ADAMTSL3: variants seen among roughly 807,000 people sequenced by gnomAD.
The protein encoded by ADAMTSL3 is ADAMTS like 3.
A neutral mutation model predicts 201.7 loss-of-function variants in ADAMTSL3; 128 were observed. That is an observed-to-expected ratio of 0.63 (90% CI 0.55 to 0.73). The LOEUF (loss-of-function observed/expected upper bound fraction) is 0.73, where lower values mean the gene tolerates loss of function less well. ADAMTSL3 is among the 30% of genes least tolerant of loss of function. The pLI is 0.00. For missense variants in ADAMTSL3, 1,990 were observed against 2,119.6 expected (o/e 0.94, Z 1.20); for synonymous variants, 738 against 748.4 (o/e 0.99, Z 0.23).
At chr15:83,753,228 C>A (rs952494690) in intron 3 of ADAMTSL3, among the ~76,000 whole-genome samples, 5 of 152,188 alleles carry the variant, frequency 3.3e-5, no homozygotes, top group African/African-American at 9.7e-5. Context: ...TAACCAGGGA[C>A]ACTCACCTAC....
At chr15:83,734,029 A>G (rs1390228113) in intron 3 of ADAMTSL3, among the ~76,000 whole-genome samples, 1 of 152,140 alleles carries the variant, frequency 6.6e-6, no homozygotes, top group Non-Finnish European at 1.5e-5. Context: ...TGAGTCTCTC[A>G]GCGTAAAAGG....
intron 23 of ADAMTSL3, among the ~76,000 whole-genome samples, chr15:83,998,251 C>G (rs1184940585): frequency 6.6e-6 from 1 of 152,120 alleles, no homozygotes; most frequent in Non-Finnish European, 1.5e-5. Flanking sequence ...CAGGGGTTGA[C>G]CAGCCTGGCC....
At chr15:83,976,636 C>T (rs2067293297) in intron 20 of ADAMTSL3, among the ~76,000 whole-genome samples, 1 of 151,712 alleles carries the variant, frequency 6.6e-6, no homozygotes, top group Admixed American at 6.6e-5. Flanking sequence ...TCATAAGGAG[C>T]CCGCAACCTA....
intron 2 of ADAMTSL3, among the ~76,000 whole-genome samples, chr15:83,678,133 C>T (rs1288656615): frequency 6.6e-6 from 1 of 152,072 alleles, no homozygotes; most frequent in Non-Finnish European, 1.5e-5. Flanking sequence ...TTGAGCACCA[C>T]ATCAGATGAC....
chr15:83,699,892 A>C (rs1258868082), intron 2 of ADAMTSL3, among the ~76,000 whole-genome samples: 1 of 152,336 alleles, frequency 6.6e-6, no homozygotes, highest in East Asian at 1.9e-4. Context: ...AAAATTGAAC[A>C]GTCCTCTCCC....
intron 9 of ADAMTSL3, among the ~76,000 whole-genome samples, chr15:83,878,613 CAAA>C (rs34434953): frequency 6.8e-6 from 1 of 147,212 alleles, no homozygotes; most frequent in South Asian, 2.1e-4. Flanking sequence ...GACGCCATTT[CAAA>C]AAAAAAAAAT....
intron 3 of ADAMTSL3, among the ~76,000 whole-genome samples, chr15:83,722,245 A>G (rs2062111717): frequency 6.6e-6 from 1 of 152,226 alleles, no homozygotes; most frequent in Non-Finnish European, 1.5e-5. Context: ...GGGAAATAAA[A>G]TCAACGAGGA....
chr15:83,878,715 C>T (rs533749849), intron 9 of ADAMTSL3, among the ~76,000 whole-genome samples: 3 of 152,050 alleles, frequency 2.0e-5, no homozygotes, highest in South Asian at 4.2e-4. Context: ...AATTATTTCA[C>T]TTAAGGTTTT....
chr15:83,891,930 C>T (rs964277253), intron 12 of ADAMTSL3, among the ~76,000 whole-genome samples: 4 of 152,172 alleles, frequency 2.6e-5, no homozygotes, highest in Non-Finnish European at 4.4e-5. Context: ...AGAATAAAGT[C>T]TTGGCCGGGC....
At chr15:83,685,607 A>G (rs1360867621) in intron 2 of ADAMTSL3, among the ~76,000 whole-genome samples, 2 of 152,174 alleles carry the variant, frequency 1.3e-5, no homozygotes, top group Non-Finnish European at 2.9e-5. Context: ...CGCCCAAAGG[A>G]AAATTATTTT....
rs189939146 is a variant in ADAMTSL3 at position 83,956,062 on chromosome 15, G to A, written c.2490+12980G>A. Among the ~76,000 whole-genome samples the A allele has an allele frequency of 3.9e-5, 6 of 152,212 alleles. No homozygotes were observed. In the East Asian group the frequency reaches 1.2e-3, roughly 29 times the overall value. On this transcript the variant is annotated intron_variant, in intron 19 of 29. Coordinates refer to ENST00000286744, the MANE Select transcript of ADAMTSL3 (RefSeq NM_207517.3). ...GGACCCCACAGCACCTTAGCCCATG[G>A]TGGTGAGACTGCTGAAACTCAGGCT...
intron 25 of ADAMTSL3, 37 bp downstream of exon 25, chr15:84,016,536 G>C: frequency 6.6e-7 from 1 of 1,511,012 alleles, no homozygotes; most frequent in Admixed American, 1.7e-5. Flanking sequence ...TGCTATGTGT[G>C]AGGCATGTGT....
At chr15:83,984,897 C>T (rs2067447148) in intron 21 of ADAMTSL3, among the ~76,000 whole-genome samples, 1 of 152,140 alleles carries the variant, frequency 6.6e-6, no homozygotes, top group Non-Finnish European at 1.5e-5. Context: ...AATGTGTTAG[C>T]TGGAAGAGAA....
In ADAMTSL3 at chr15:83,868,862, G is replaced by A. The variant is rs936991660; in HGVS notation, c.803-1940G>A. Among the ~76,000 whole-genome samples the A allele has an allele frequency of 2.0e-5, 3 of 152,232 alleles. No individual in the cohort carries two copies. In the South Asian group the frequency reaches 6.2e-4, roughly 32 times the overall value. On this transcript the variant is annotated intron_variant, in intron 8 of 29. Coordinates refer to ENST00000286744, the MANE Select transcript of ADAMTSL3 (RefSeq NM_207517.3). ...GGCTAGATTCTGTATTAAAAACAAA[G>A]TATCAAAACCAAGTTAACAAAAATG...
chr15:83,954,981 C>T (rs1215320350), intron 19 of ADAMTSL3, among the ~76,000 whole-genome samples: 1 of 152,176 alleles, frequency 6.6e-6, no homozygotes, highest in East Asian at 1.9e-4. Flanking sequence ...CACCCAAGAC[C>T]CACTGCAGCC....
intron 29 of ADAMTSL3, among the ~76,000 whole-genome samples, chr15:84,037,268 T>C (rs990961487): frequency 3.9e-5 from 6 of 152,188 alleles, no homozygotes; most frequent in African/African-American, 1.4e-4. Context: ...TCCACACACT[T>C]CTCTTCTGCC....
chr15:83,791,405 G>C lies in ADAMTSL3; in HGVS notation c.318-13245G>C, dbSNP rs138661772. ...AACAGACAGGTTGTCCGATGGAACA[G>C]TATACAGAGCTCTGAAATAAGTCCA... On this transcript the variant is annotated intron_variant, in intron 4 of 29. Coordinates refer to ENST00000286744, the MANE Select transcript of ADAMTSL3 (RefSeq NM_207517.3). Among the ~76,000 whole-genome samples, 804 of 152,264 alleles carry C rather than the reference G, an allele frequency of 5.3e-3. 11 individuals carry two copies. Among genetic ancestry groups the C allele is most frequent in the African/African-American group, 0.019 (772 of 41,534 alleles).
chr15:83,801,628 A>G (rs2063514739), intron 4 of ADAMTSL3, among the ~76,000 whole-genome samples: 1 of 43,936 alleles, frequency 2.3e-5, no homozygotes, highest in Non-Finnish European at 3.7e-5. Flanking sequence ...ATGAAATTTT[A>G]TATATATAAA....
intron 3 of ADAMTSL3, among the ~76,000 whole-genome samples, chr15:83,706,906 C>T (rs1269928931): frequency 6.6e-6 from 1 of 151,980 alleles, no homozygotes; most frequent in Non-Finnish European, 1.5e-5. Context: ...TGGGCTCAAG[C>T]GATCTGCTCT....
Sources: allele counts gnomAD v4.1 joint callset (sites outside exome capture counted in the v4.1 genomes callset), GRCh38; gene constraint gnomAD v4.1.1; transcripts MANE v1.5; gene names NCBI Gene and HGNC (gene_info 2026-07-23, HGNC 2026-07-21).